Variants in PLXNA4 observed in about 807,000 individuals in gnomAD.
PLXNA4 encodes the protein plexin A4.
In PLXNA4, 44 loss-of-function variants were observed where a neutral mutation model predicts 191.8. That is an observed-to-expected ratio of 0.23 (90% CI 0.18 to 0.29). PLXNA4 has a LOEUF of 0.29. Ranked by LOEUF, PLXNA4 falls within the 10% of genes least tolerant of loss-of-function variation. The probability of loss-of-function intolerance (pLI) is 1.00; values close to 1 mark genes in which losing one functional copy is unlikely to be tolerated. For missense variants in PLXNA4, 1,800 were observed against 2,488.8 expected (o/e 0.72, Z 5.89); for synonymous variants, 1,082 against 1,009.5 (o/e 1.07, Z -1.36).
intron 1 of PLXNA4, among the ~76,000 whole-genome samples, chr7:132,517,668 C>T (rs1798994982): frequency 6.6e-6 from 1 of 152,170 alleles, no homozygotes; most frequent in Admixed American, 6.5e-5. Flanking sequence ...CAGCCCCCTC[C>T]CTTGTTTCCA....
chr7:132,524,864 G>A (rs547274055), intron 1 of PLXNA4, among the ~76,000 whole-genome samples: 25 of 152,174 alleles, frequency 1.6e-4, no homozygotes, highest in Admixed American at 1.4e-3. Context: ...ATTGTGCCTG[G>A]CAAGACTTTT....
At chr7:132,625,003 G>T (rs1803343191) in intron 2 of PLXNA4, among the ~76,000 whole-genome samples, 1 of 152,178 alleles carries the variant, frequency 6.6e-6, no homozygotes, top group Non-Finnish European at 1.5e-5. Flanking sequence ...AATGGCCAAT[G>T]CTGTGAATGC....
chr7:132,359,478 A>C (rs369666248), intron 3 of PLXNA4, among the ~76,000 whole-genome samples: 4 of 152,112 alleles, frequency 2.6e-5, no homozygotes, highest in Non-Finnish European at 4.4e-5. Flanking sequence ...CGGTCTCCCA[A>C]AGTGCTGGGA....
chr7:132,303,207 T>C (rs181586854), intron 3 of PLXNA4, among the ~76,000 whole-genome samples: 1 of 151,606 alleles, frequency 6.6e-6, no homozygotes, highest in African/African-American at 2.4e-5. Flanking sequence ...TAGATACTTG[T>C]GGATCACCTA....
At chr7:132,424,656 C>T (rs1374200155) in intron 3 of PLXNA4, among the ~76,000 whole-genome samples, 2 of 152,182 alleles carry the variant, frequency 1.3e-5, no homozygotes, top group Admixed American at 6.5e-5. Flanking sequence ...TTGTAATTGT[C>T]CCTGGCAGAA....
intron 10 of PLXNA4, 110 bp downstream of exon 10, chr7:132,210,833 C>G (rs370152285): frequency 8.3e-7 from 1 of 1,206,034 alleles, no homozygotes. Context: ...CAGTTTTGTG[C>G]GTGTTGAGGA....
chr7:132,182,184 G>A lies in PLXNA4; in HGVS notation c.3165C>T (p.Asn1055=). 1.2e-6 allele frequency: 2 copies of A among 1,614,108 alleles called. No individual in the cohort carries two copies. The highest frequency in any genetic ancestry group is 1.1e-5 in the South Asian group (1 of 91,066). The change falls in exon 17 of 32, where the codon AAC becomes AAT. Residue 1055 remains asparagine (N), a synonymous_variant. Transcript: ENST00000321063. The part of the protein sequence containing the change: ...IEPEWSIVSG[N]TPIAVWGTHL... ...GGGTCCCCCATACGGCGATGGGTGT[G>A]TTTCCACTGAGCAGGAAGAAAGAAG...
At chr7:132,579,523 CTT>C (rs540721748), upstream of PLXNA4, among the ~76,000 whole-genome samples, 9 of 126,146 alleles carry the variant, frequency 7.1e-5, no homozygotes, top group Non-Finnish European at 8.5e-5. Flanking sequence ...AGTCAAAGAC[CTT>C]TTTTTTTTTT....
At position 132,140,802 on chromosome 7, in the gene PLXNA4, C is replaced by T. The variant is rs1489763554; in HGVS notation, c.5235G>A (p.Leu1745=). 2 of 1,613,804 alleles carry T rather than the reference C, an allele frequency of 1.2e-6. No homozygotes were observed. Among genetic ancestry groups the T allele is most frequent in the Non-Finnish European group, 1.7e-6 (2 of 1,179,960 alleles). ...TCTTGATCATGTTGACCCAAAACCTCAGGGGCAGGCTGCGTGGAAGGAAGA... is the reference window on the plus strand; with the variant it reads ...TCTTGATCATGTTGACCCAAAACCTTAGGGGCAGGCTGCGTGGAAGGAAGA... ...RHTWKSNCLP[L]RFWVNMIKNP... The change falls in exon 30 of 32, where the codon CTG becomes CTA. Residue 1745 remains leucine (L), a synonymous_variant. Transcript: ENST00000321063.
chr7:132,502,359 G>T (rs1302857526), intron 2 of PLXNA4, among the ~76,000 whole-genome samples: 3 of 152,218 alleles, frequency 2.0e-5, no homozygotes, highest in Admixed American at 6.5e-5. Context: ...GGAGCTTTGG[G>T]TTAAAAAGAA....
At chr7:132,150,578 A>C (rs1795567858) in intron 25 of PLXNA4, among the ~76,000 whole-genome samples, 1 of 152,212 alleles carries the variant, frequency 6.6e-6, no homozygotes. Context: ...AGAGGGATGC[A>C]ATGAACTCAG....
At chr7:132,383,826 A>G in intron 3 of PLXNA4, 2 of 985,474 alleles carry the variant, frequency 2.0e-6, no homozygotes, top group Non-Finnish European at 1.2e-6. Flanking sequence ...CTAAATATTT[A>G]CACATTGTTT....
chr7:132,385,666 C>A (rs1805100449), intron 3 of PLXNA4, among the ~76,000 whole-genome samples: 1 of 152,228 alleles, frequency 6.6e-6, no homozygotes. Context: ...AAAGCCCCAT[C>A]TTACCAAGTA....
At chr7:132,608,602 C>T (rs1281808836) in intron 2 of PLXNA4, among the ~76,000 whole-genome samples, 6 of 152,168 alleles carry the variant, frequency 3.9e-5, no homozygotes, top group African/African-American at 1.4e-4. Context: ...GCCAATTCAT[C>T]ACCAAGTTTG....
chr7:132,460,280 G>T (rs2117353859), intron 3 of PLXNA4, among the ~76,000 whole-genome samples: 1 of 151,880 alleles, frequency 6.6e-6, no homozygotes, highest in Non-Finnish European at 1.5e-5. Context: ...GATCCCTTGA[G>T]CCCGGGAAGT....
At chr7:132,520,259 A>T (rs1160123760) in intron 1 of PLXNA4, among the ~76,000 whole-genome samples, 1 of 152,210 alleles carries the variant, frequency 6.6e-6, no homozygotes, top group Non-Finnish European at 1.5e-5. Context: ...CTCATCTGTT[A>T]AGTGGATGTA....
intron 2 of PLXNA4, among the ~76,000 whole-genome samples, chr7:132,637,744 C>A (rs551931648): frequency 6.6e-6 from 1 of 152,300 alleles, no homozygotes; most frequent in East Asian, 1.9e-4. Flanking sequence ...GACAGGACAT[C>A]CCAAAACCTC....
At chr7:132,563,589 CTCATCCTTTCTCCTCCTCCTTCTCT>C in intron 1 of PLXNA4, among the ~76,000 whole-genome samples, 1 of 129,292 alleles carries the variant, frequency 7.7e-6, no homozygotes, top group African/African-American at 2.9e-5. Flanking sequence ...CCTCCTTCTC[CTCATCCTTTCTCCTCCTCCTTCTCT>C]TCCTCCTCCT....
rs1794712534 is a variant in PLXNA4 at position 132,124,324 on chromosome 7, G to A, written c.*6155C>T. 1 of 152,170 alleles carries A rather than the reference G, an allele frequency of 6.6e-6. No homozygotes were observed. Among genetic ancestry groups the A allele is most frequent in the Non-Finnish European group, 1.5e-5 (1 of 68,042 alleles). 9.4% of individuals were successfully genotyped at this position (152,170 alleles called of 1,614,324 possible). A position where few individuals can be genotyped will look rare whatever the true frequency, so the allele number is the denominator to read the frequency against. ...GGAGAGGAAAGGAGGACAGACAGAT[G>A]AGCACGTGTATCCCATCTTCGTCCT... On this transcript the variant is annotated 3_prime_UTR_variant, in exon 32 of 32. Transcript: ENST00000321063.
Sources: gnomAD v4.1 joint callset for allele counts (sites outside exome capture counted in the v4.1 genomes callset) on GRCh38, gnomAD v4.1.1 for gene constraint, MANE v1.5 for transcripts, NCBI Gene and HGNC (gene_info 2026-07-23, HGNC 2026-07-21) for gene names.